Variants in SLC25A42 observed in about 807,000 individuals in gnomAD.
SLC25A42 encodes solute carrier family 25 member 42, also known as mitochondrial coenzyme A transporter SLC25A42.
In SLC25A42, 19 loss-of-function variants were observed where a neutral mutation model predicts 34.7. The observed-to-expected ratio is 0.55, with a 90% CI of 0.38 to 0.80. The LOEUF (loss-of-function observed/expected upper bound fraction) is 0.80, where lower values mean the gene tolerates loss of function less well. Ranked by LOEUF, SLC25A42 falls within the 30% of genes least tolerant of loss-of-function variation. The pLI, the probability that SLC25A42 is intolerant of heterozygous loss-of-function variation, is 0.00. For synonymous variants in SLC25A42, 205 were observed against 191.2 expected, an observed-to-expected ratio of 1.07 and a Z score of -0.59; for missense variants, 364 against 441.3, an observed-to-expected ratio of 0.82 and a Z score of 1.57.
rs994204992 is a variant in SLC25A42 at position 19,109,793 on chromosome 19, T to C, written c.650-776T>C. ...TTACAAATGTTTAAAGTACCCCTAC[T>C]GACCTGTTGCTGCTCCTTCCTCCTC... On this transcript the variant is annotated intron_variant, in intron 7 of 7. Transcript: ENST00000318596. This position sits in a 1 kb window ranked among gnomAD's most constrained non-coding sequence, Gnocchi z 4.1. 6.6e-6 allele frequency among the ~76,000 whole-genome samples: 1 copy of C among 152,180 alleles called. No homozygotes were observed. Among genetic ancestry groups the C allele is most frequent in the Non-Finnish European group, 1.5e-5 (1 of 68,018 alleles).
chr19:19,101,337 C>T (rs1568521425), intron 2 of SLC25A42, among the ~76,000 whole-genome samples: 1 of 152,110 alleles, frequency 6.6e-6, no homozygotes, highest in Admixed American at 6.6e-5. Context: ...GGAAGGGACA[C>T]GCTGACACAG....
At chr19:19,080,003 A>G (rs1283679843) in intron 1 of SLC25A42, among the ~76,000 whole-genome samples, 1 of 152,198 alleles carries the variant, frequency 6.6e-6, no homozygotes, top group Non-Finnish European at 1.5e-5. Flanking sequence ...CCCATCTAAC[A>G]TTCCCAGCAT....
At chr19:19,102,771 TAAATAAA>T in intron 3 of SLC25A42, among the ~76,000 whole-genome samples, 1 of 147,808 alleles carries the variant, frequency 6.8e-6, no homozygotes, top group South Asian at 2.2e-4. Flanking sequence ...AATAAATAAA[TAAATAAA>T]TAATAAAATC....
At chr19:19,107,691 G>A (rs1376877363) in intron 6 of SLC25A42, among the ~76,000 whole-genome samples, 1 of 152,194 alleles carries the variant, frequency 6.6e-6, no homozygotes, top group Non-Finnish European at 1.5e-5. Flanking sequence ...CGTGGCGAAG[G>A]TGGAGTCTGG....
intron 1 of SLC25A42, among the ~76,000 whole-genome samples, chr19:19,088,512 G>A (rs1029862939): frequency 3.4e-5 from 5 of 147,724 alleles, no homozygotes; most frequent in South Asian, 2.2e-4. Flanking sequence ...GGCCCGAGAC[G>A]GAGTTTCACT....
In SLC25A42 at chr19:19,105,638, G is replaced by A. The variant is rs1276311844; in HGVS notation, c.291G>A (p.Met97Ile). ...TGTGGCGCGGGAACTCGGCCACCATGGTGCGCGTGGTGCCCTACGCCGCCA... is the reference window on the plus strand; with the variant it reads ...TGTGGCGCGGGAACTCGGCCACCATAGTGCGCGTGGTGCCCTACGCCGCCA... ...LSLWRGNSATMVRVVPYAAIQ... is the reference protein window; with the variant it reads ...LSLWRGNSATIVRVVPYAAIQ... The change falls in exon 5 of 8, where the codon ATG (methionine) becomes ATA (isoleucine). Residue 97 changes from methionine to isoleucine, a missense_variant. Physicochemically the swap from Met to Ile is conservative, Grantham distance 10 (BLOSUM62 1). Transcript: ENST00000318596. 2 of 1,613,654 alleles carry A rather than the reference G, an allele frequency of 1.2e-6. No homozygotes were observed. The highest frequency in any genetic ancestry group is 1.3e-5 in the African/African-American group (1 of 74,916).
chr19:19,074,923 G>C (rs1012617072), intron 1 of SLC25A42, among the ~76,000 whole-genome samples: 1 of 152,136 alleles, frequency 6.6e-6, no homozygotes, highest in Non-Finnish European at 1.5e-5. Context: ...GGCAGAGGCA[G>C]GTCGACTGCT....
At chr19:19,101,913 AGAGAAGCTGCCAG>A (rs1298935681) in intron 3 of SLC25A42, 27 bp downstream of exon 3, 1 of 1,574,824 alleles carries the variant, frequency 6.3e-7, no homozygotes, top group South Asian at 1.1e-5. Flanking sequence ...CCCAGGTGCT[AGAGAAGCTGCCAG>A]GCGGTCACCT....
intron 3 of SLC25A42, among the ~76,000 whole-genome samples, chr19:19,104,585 C>G (rs910188940): frequency 1.3e-5 from 2 of 152,204 alleles, no homozygotes; most frequent in Non-Finnish European, 2.9e-5. Flanking sequence ...CATGTAGACC[C>G]CTGCAGGCCT....
intron 4 of SLC25A42, 132 bp downstream of exon 4, chr19:19,105,070 T>G (rs2059818778): frequency 9.0e-7 from 1 of 1,116,878 alleles, no homozygotes; most frequent in Non-Finnish European, 1.3e-6. Context: ...CATTCCCAGC[T>G]CTGCCTGGAC....
intron 1 of SLC25A42, among the ~76,000 whole-genome samples, chr19:19,075,601 TG>T (rs1369490531): frequency 6.6e-6 from 1 of 152,158 alleles, no homozygotes; most frequent in Non-Finnish European, 1.5e-5. Flanking sequence ...GTAAATACTA[TG>T]TGGGGCTGGG....
intron 1 of SLC25A42, among the ~76,000 whole-genome samples, chr19:19,093,357 C>T (rs1163470894): frequency 1.3e-5 from 2 of 152,192 alleles, no homozygotes; most frequent in African/African-American, 2.4e-5. Context: ...AAAGGCTGTA[C>T]CAAGTTCCCC....
At chr19:19,086,210 T>G (rs1007520725) in intron 1 of SLC25A42, among the ~76,000 whole-genome samples, 1 of 151,866 alleles carries the variant, frequency 6.6e-6, no homozygotes, top group African/African-American at 2.4e-5. Flanking sequence ...GCATGATCAC[T>G]GCAACCTCTG....
chr19:19,096,661 G>C (rs973291578), intron 2 of SLC25A42, among the ~76,000 whole-genome samples: 1 of 152,140 alleles, frequency 6.6e-6, no homozygotes, highest in Non-Finnish European at 1.5e-5. Flanking sequence ...CCAAGGCCAG[G>C]CATGGTGGCT....
chr19:19,066,869 C>G, intron 1 of SLC25A42, among the ~76,000 whole-genome samples: 1 of 151,990 alleles, frequency 6.6e-6, no homozygotes, highest in East Asian at 1.9e-4. Flanking sequence ...CACTTCAGAC[C>G]CCCCTGTCTT....
Position 19,104,870 on chromosome 19 carries a change from G to A in SLC25A42, c.188-43G>A, listed in dbSNP as rs201327401. On this transcript the variant is annotated intron_variant, in intron 3 of 7. Transcript: ENST00000318596. ...TGGGGCCACGCAGATGGGAGGTTCT[G>A]TCCTTTGCATCTCAGTGGCTTTTGT... The A allele has an allele frequency of 4.6e-5, 75 of 1,613,640 alleles. No homozygotes were observed. The African/African-American group carries it at 6.8e-4, about 15-fold the overall frequency.
Position 19,111,232 on chromosome 19 carries a change from C to T in SLC25A42, c.*356C>T, listed in dbSNP as rs2059863342. ...CCGACATGCTGCTGATTCTAGTGAC[C>T]CCTGTCCCCACCAGGCTCAGAGCCA... On this transcript the variant is annotated 3_prime_UTR_variant, in exon 8 of 8. Coordinates refer to ENST00000318596, the MANE Select transcript of SLC25A42 (RefSeq NM_178526.5). 3.1e-6 allele frequency: 1 copy of T among 320,232 alleles called. No homozygotes were observed. The highest frequency in any genetic ancestry group is 5.9e-6 in the Non-Finnish European group (1 of 170,896). The allele number at this position is 320,232 out of a possible 1,614,324, so 19.8% of individuals were successfully genotyped here. A position where few individuals can be genotyped will look rare whatever the true frequency, so the allele number is the denominator to read the frequency against.
intron 1 of SLC25A42, among the ~76,000 whole-genome samples, chr19:19,067,745 A>G (rs2059609841): frequency 1.3e-5 from 2 of 151,068 alleles, no homozygotes; most frequent in Admixed American, 6.6e-5. Flanking sequence ...ACTTGGGTCT[A>G]GGAAAAGAAA....
chr19:19,088,274 C>T (rs1481857518), intron 1 of SLC25A42, among the ~76,000 whole-genome samples: 13 of 149,898 alleles, frequency 8.7e-5, no homozygotes, highest in South Asian at 2.1e-4. Context: ...GGTGTGATCA[C>T]GGCTCACTGC....
Sources: allele counts gnomAD v4.1 joint callset (sites outside exome capture counted in the v4.1 genomes callset), GRCh38; gene constraint gnomAD v4.1.1; non-coding constraint Gnocchi (gnomAD v3.1); transcripts MANE v1.5; gene names NCBI Gene and HGNC (gene_info 2026-07-23, HGNC 2026-07-21).